Variants in ARHGAP15 observed in about 807,000 individuals in gnomAD.
The protein encoded by ARHGAP15 is Rho GTPase activating protein 15.
A neutral mutation model predicts 63.7 loss-of-function variants in ARHGAP15; 51 were observed. The observed-to-expected ratio is 0.80, with a 90% CI of 0.64 to 1.01. The LOEUF is 1.01. Among genes scored for constraint, ARHGAP15 ranks in the 50% least tolerant of loss-of-function variants. The pLI, the probability that ARHGAP15 is intolerant of heterozygous loss-of-function variation, is 0.00. For synonymous variants in ARHGAP15, 191 were observed against 193.8 expected, an observed-to-expected ratio of 0.99 and a Z score of 0.12; for missense variants, 560 against 564.6, an observed-to-expected ratio of 0.99 and a Z score of 0.08.
At chr2:143,745,404 A>G (rs1686126086) in intron 13 of ARHGAP15, among the ~76,000 whole-genome samples, 1 of 152,208 alleles carries the variant, frequency 6.6e-6, no homozygotes, top group Admixed American at 6.5e-5. Flanking sequence ...CCCTTCTGCC[A>G]GAGCAGGTCT....
At chr2:143,469,572 C>G (rs1331867991) in intron 8 of ARHGAP15, among the ~76,000 whole-genome samples, 1 of 149,324 alleles carries the variant, frequency 6.7e-6, no homozygotes, top group East Asian at 2.0e-4. Flanking sequence ...TTGCTCCAGA[C>G]CTACACCATC....
chr2:143,453,918 G>C (rs1004582418), intron 8 of ARHGAP15, among the ~76,000 whole-genome samples: 9 of 151,914 alleles, frequency 5.9e-5, no homozygotes, highest in African/African-American at 2.2e-4. Flanking sequence ...TCAGCTAACT[G>C]GTATAATTAT....
Position 143,253,095 on chromosome 2 carries a change from A to G in ARHGAP15, c.474+2495A>G, listed in dbSNP as rs141181419. On this transcript the variant is annotated intron_variant, in intron 6 of 13. Coordinates refer to ENST00000295095, the MANE Select transcript of ARHGAP15 (RefSeq NM_018460.4). ...AAGTTTGAATTAGGCTTGGTGTTCA[A>G]TCTCAGTCTATGAATTATAGATTAC... Among the ~76,000 whole-genome samples, 20 of 152,224 alleles carry G rather than the reference A, an allele frequency of 1.3e-4. No homozygotes were observed. The East Asian group carries it at 2.5e-3, about 19-fold the overall frequency.
intron 12 of ARHGAP15, among the ~76,000 whole-genome samples, chr2:143,638,683 ATATT>A (rs1680459241): frequency 1.8e-5 from 2 of 110,610 alleles, no homozygotes; most frequent in Non-Finnish European, 3.5e-5. Context: ...AGAAAAAAAA[ATATT>A]AAAAAAAAAA....
At chr2:143,195,588 TG>T (rs1400541317) in intron 2 of ARHGAP15, among the ~76,000 whole-genome samples, 1 of 152,138 alleles carries the variant, frequency 6.6e-6, no homozygotes, top group Non-Finnish European at 1.5e-5. Context: ...ATGTAAGAAT[TG>T]GGATACACCA....
chr2:143,317,231 C>T (rs1683763922), intron 6 of ARHGAP15, among the ~76,000 whole-genome samples: 1 of 152,106 alleles, frequency 6.6e-6, no homozygotes, highest in Non-Finnish European at 1.5e-5. Context: ...CAGATAAAAA[C>T]AGGAAGCAAA....
At chr2:143,252,215 T>C (rs1356046218) in intron 6 of ARHGAP15, among the ~76,000 whole-genome samples, 1 of 152,072 alleles carries the variant, frequency 6.6e-6, no homozygotes, top group Non-Finnish European at 1.5e-5. Flanking sequence ...GTCAGCTATA[T>C]TTGATGCATA....
intron 1 of ARHGAP15, among the ~76,000 whole-genome samples, chr2:143,132,542 G>A (rs756094507): frequency 2.0e-5 from 3 of 152,174 alleles, no homozygotes; most frequent in Non-Finnish European, 4.4e-5. Flanking sequence ...AGATCTGATG[G>A]GACTGAATTG....
intron 4 of ARHGAP15, among the ~76,000 whole-genome samples, chr2:143,221,717 G>A (rs961368955): frequency 3.9e-5 from 6 of 152,174 alleles, no homozygotes; most frequent in African/African-American, 1.4e-4. Flanking sequence ...ATCAGCTCCT[G>A]TGTGGCTCTG....
intron 13 of ARHGAP15, among the ~76,000 whole-genome samples, chr2:143,760,192 T>C (rs1217894474): frequency 6.6e-6 from 1 of 152,204 alleles, no homozygotes; most frequent in East Asian, 1.9e-4. Flanking sequence ...TCCCAGTGTT[T>C]ATTATACTCT....
At chr2:143,719,678 T>TC (rs1009449177) in intron 13 of ARHGAP15, among the ~76,000 whole-genome samples, 8 of 152,196 alleles carry the variant, frequency 5.3e-5, no homozygotes, top group Non-Finnish European at 1.0e-4. Flanking sequence ...GGCCAGATAT[T>TC]CCCCACAGAG....
rs532177327 is a variant in ARHGAP15 at position 143,655,067 on chromosome 2, A to G, written c.1138+30800A>G. On this transcript the variant is annotated intron_variant, in intron 12 of 13. Transcript: ENST00000295095. ...GGCGATATAGCAAGACTCTCCATCAAAAAATGTTAAAATACGAATTCTGAT... is the reference window on the plus strand; with the variant it reads ...GGCGATATAGCAAGACTCTCCATCAGAAAATGTTAAAATACGAATTCTGAT... 1.6e-4 allele frequency among the ~76,000 whole-genome samples: 24 copies of G among 152,330 alleles called. No homozygotes were observed. The East Asian group carries it at 4.2e-3, about 27-fold the overall frequency.
chr2:143,432,197 A>T (rs925880299), intron 6 of ARHGAP15, among the ~76,000 whole-genome samples: 1 of 151,998 alleles, frequency 6.6e-6, no homozygotes, highest in African/African-American at 2.4e-5. Context: ...AAGAAGTTCT[A>T]AAAAAGGTTT....
rs1362315937 is a variant in ARHGAP15 at position 143,673,756 on chromosome 2, G to GTATATATATATATATATA, written c.1139-29662_1139-29661insATATATATATATATATAT. On this transcript the variant is annotated intron_variant, in intron 12 of 13. Coordinates refer to ENST00000295095, the MANE Select transcript of ARHGAP15 (RefSeq NM_018460.4). ...TGTGTGTGTGTGTGTGTGTGTGTGT[G>GTATATATATATATATATA]TGTATATATATATATATATATATAT... 4.1e-3 allele frequency among the ~76,000 whole-genome samples: 128 copies of GTATATATATATATATATA among 30,954 alleles called. 1 individual carries two copies. The highest frequency in any genetic ancestry group is 0.011 in the East Asian group (6 of 530). 20.3% of individuals were successfully genotyped at this position (30,954 alleles called of 152,430 possible).
At chr2:143,690,787 T>C (rs1336853613) in intron 12 of ARHGAP15, among the ~76,000 whole-genome samples, 2 of 152,082 alleles carry the variant, frequency 1.3e-5, no homozygotes, top group Admixed American at 1.3e-4. Context: ...GCAGAGAAAA[T>C]ACCATCCAGA....
chr2:143,144,734 G>A (rs921409914), intron 1 of ARHGAP15, among the ~76,000 whole-genome samples: 1 of 151,612 alleles, frequency 6.6e-6, no homozygotes, highest in African/African-American at 2.4e-5. Context: ...TTCAACTATT[G>A]CCCATACCCC....
At chr2:143,478,062 A>T (rs191932142) in intron 8 of ARHGAP15, among the ~76,000 whole-genome samples, 23 of 152,292 alleles carry the variant, frequency 1.5e-4, no homozygotes, top group South Asian at 6.2e-4. Context: ...GGAACCCCCA[A>T]TTCCCACCTA....
At position 143,749,721 on chromosome 2, in the gene ARHGAP15, A is replaced by G. The variant is rs531830886; in HGVS notation, c.1245-18268A>G. Among the ~76,000 whole-genome samples the G allele has an allele frequency of 1.1e-3, 166 of 152,312 alleles. 3 individuals carry two copies. The South Asian group carries it at 0.03, about 28-fold the overall frequency. ...TTAATAATCATAACACATTATATTT[A>G]TATGTTTTAAATTCAAAATCCCTTT... On this transcript the variant is annotated intron_variant, in intron 13 of 13. Coordinates refer to ENST00000295095, the MANE Select transcript of ARHGAP15 (RefSeq NM_018460.4).
rs982108287 is a variant in ARHGAP15, at chr2:143,320,472, G to C, written c.474+69872G>C. On this transcript the variant is annotated intron_variant, in intron 6 of 13. Transcript: ENST00000295095. Reference sequence around the variant, plus strand: ...TTGCACAGCATTCACCCAGGGCCCAGAAATTTGGGGCAAACATATGCTGCA... The same window carrying C: ...TTGCACAGCATTCACCCAGGGCCCACAAATTTGGGGCAAACATATGCTGCA... Among the ~76,000 whole-genome samples the C allele has an allele frequency of 4.7e-3, 600 of 128,686 alleles. 3 individuals are homozygous for C. Among genetic ancestry groups the C allele is most frequent in the African/African-American group, 0.016 (534 of 33,082 alleles). The allele number at this position is 128,686 out of a possible 152,430, so 84.4% of individuals were successfully genotyped here.
Sources: allele counts gnomAD v4.1 joint callset (sites outside exome capture counted in the v4.1 genomes callset), GRCh38; gene constraint gnomAD v4.1.1; transcripts MANE v1.5; gene names NCBI Gene and HGNC (gene_info 2026-07-23, HGNC 2026-07-21).